PCSK5: variants seen among roughly 807,000 people sequenced by gnomAD.
The protein encoded by PCSK5 is prohormone convertase 5.
Under a neutral mutation model 233.2 loss-of-function variants are expected in PCSK5, and 129 were observed. The ratio of observed to expected loss-of-function variants is 0.55; its 90% CI spans 0.48 to 0.64. The LOEUF is 0.64. Ranked by LOEUF, PCSK5 falls within the 30% of genes least tolerant of loss-of-function variation. The pLI is 0.00. For missense variants in PCSK5, 2,076 were observed against 2,430.1 expected, an observed-to-expected ratio of 0.85 and a Z score of 3.06; for synonymous variants, 825 against 879.2, an observed-to-expected ratio of 0.94 and a Z score of 1.09.
At chr9:76,274,826 C>T (rs1190251958) in intron 24 of PCSK5, among the ~76,000 whole-genome samples, 1 of 152,206 alleles carries the variant, frequency 6.6e-6, no homozygotes, top group Non-Finnish European at 1.5e-5. Context: ...TTATCTGGCT[C>T]ATGCTTCTGC....
At chr9:75,939,826 C>T (rs1824219763) in intron 2 of PCSK5, among the ~76,000 whole-genome samples, 1 of 151,944 alleles carries the variant, frequency 6.6e-6, no homozygotes, top group African/African-American at 2.4e-5. Context: ...TTTCTATCCT[C>T]AAATCTATTA....
In PCSK5 at chr9:76,143,142, C is replaced by T. The variant is rs539428809; in HGVS notation, c.1312+8930C>T. On this transcript the variant is annotated intron_variant, in intron 10 of 37. Coordinates refer to ENST00000674117, the MANE Select transcript of PCSK5 (RefSeq NM_001372043.1). ...GGGGAACCAAGCTTATCTGGAATAC[C>T]GTAGTTTCTTTTAGTTTAAACAAAT... 4.6e-5 allele frequency among the ~76,000 whole-genome samples: 7 copies of T among 151,984 alleles called. No individual in the cohort carries two copies. The South Asian group carries it at 8.4e-4, about 18-fold the overall frequency.
At chr9:76,293,334 C>T (rs1487594883) in intron 25 of PCSK5, among the ~76,000 whole-genome samples, 1 of 152,206 alleles carries the variant, frequency 6.6e-6, no homozygotes, top group Admixed American at 6.5e-5. Flanking sequence ...ATCAGTTAAC[C>T]TTATCAGTTC....
intron 1 of PCSK5, among the ~76,000 whole-genome samples, chr9:75,903,811 G>C (rs903278797): frequency 6.6e-6 from 1 of 151,556 alleles, no homozygotes; most frequent in Non-Finnish European, 1.5e-5. Context: ...TCTGAATACA[G>C]AGCAGGGAGG....
At chr9:75,955,924 C>T (rs2131334072) in intron 2 of PCSK5, among the ~76,000 whole-genome samples, 1 of 152,200 alleles carries the variant, frequency 6.6e-6, no homozygotes, top group Middle Eastern at 3.4e-3. Flanking sequence ...CTTGACTACC[C>T]TAAGAGGTTG....
chr9:75,948,348 C>G (rs1425441942), intron 2 of PCSK5, among the ~76,000 whole-genome samples: 1 of 112,214 alleles, frequency 8.9e-6, no homozygotes, highest in Non-Finnish European at 1.6e-5. Context: ...GTGTGATGTT[C>G]CCCGCTCTGT....
At chr9:76,069,835 AAG>A (rs1830419543) in intron 6 of PCSK5, among the ~76,000 whole-genome samples, 1 of 152,150 alleles carries the variant, frequency 6.6e-6, no homozygotes, top group South Asian at 2.1e-4. Flanking sequence ...AATAGAAAGT[AAG>A]AGGATGGAGT....
At chr9:76,166,144 G>C (rs916075552) in intron 12 of PCSK5, among the ~76,000 whole-genome samples, 1 of 152,134 alleles carries the variant, frequency 6.6e-6, no homozygotes, top group African/African-American at 2.4e-5. Context: ...AACAACCATT[G>C]GTGCCTGTTT....
At chr9:76,155,052 T>G (rs1823830145) in intron 10 of PCSK5, among the ~76,000 whole-genome samples, 1 of 152,222 alleles carries the variant, frequency 6.6e-6, no homozygotes, top group Non-Finnish European at 1.5e-5. Flanking sequence ...ATATGCTTAC[T>G]TTTTAATTTA....
chr9:76,155,367 C>A (rs1246546809), intron 10 of PCSK5, among the ~76,000 whole-genome samples: 1 of 152,164 alleles, frequency 6.6e-6, no homozygotes, highest in East Asian at 1.9e-4. Flanking sequence ...ATTTTTTCAA[C>A]CTAGCACAGT....
chr9:75,965,220 T>C (rs962696906), intron 2 of PCSK5, among the ~76,000 whole-genome samples: 1 of 152,062 alleles, frequency 6.6e-6, no homozygotes, highest in Non-Finnish European at 1.5e-5. Flanking sequence ...GTAGGAGATA[T>C]ACATCTCCTG....
chr9:75,909,064 C>A (rs571563473), intron 1 of PCSK5, among the ~76,000 whole-genome samples: 2 of 152,120 alleles, frequency 1.3e-5, no homozygotes, highest in African/African-American at 4.8e-5. Context: ...GTGGCTCATG[C>A]CTGTAATACC....
At chr9:76,040,377 C>CTGTCTCTCTGTCTCTCTG (rs1563988613) in intron 5 of PCSK5, among the ~76,000 whole-genome samples, 2 of 59,798 alleles carry the variant, frequency 3.3e-5, no homozygotes, top group African/African-American at 8.3e-5. Flanking sequence ...CTCTCTCTCT[C>CTGTCTCTCTGTCTCTCTG]TCTCTCTGTC....
At chr9:75,985,269 G>T (rs926479373) in intron 2 of PCSK5, among the ~76,000 whole-genome samples, 26 of 152,232 alleles carry the variant, frequency 1.7e-4, no homozygotes, top group Middle Eastern at 3.4e-3. Context: ...CTACCACTAG[G>T]TTATAAATTC....
At position 76,028,782 on chromosome 9, in the gene PCSK5, C is replaced by T. The variant is rs150547198; in HGVS notation, c.632+1745C>T. Among the ~76,000 whole-genome samples the T allele has an allele frequency of 1.1e-4, 17 of 152,246 alleles. 1 individual carries two copies. The highest frequency in any genetic ancestry group is 3.9e-4 in the African/African-American group (16 of 41,558). On this transcript the variant is annotated intron_variant, in intron 5 of 37. Transcript: ENST00000674117. ...TCCCCAGCCAAGAAGGGAGTCTTTTCAGGAGAGGGCTATTATCAGTTTTGT... is the reference window on the plus strand; with the variant it reads ...TCCCCAGCCAAGAAGGGAGTCTTTTTAGGAGAGGGCTATTATCAGTTTTGT...
chr9:76,310,852 G>T lies in PCSK5; in HGVS notation c.3884+1G>T. On this transcript the variant is annotated splice_donor_variant, in intron 30 of 37. Transcript: ENST00000674117. LOFTEE classifies it high-confidence loss of function. ...GCAGGTGCTACTCCAAGTGCCCGGA[G>T]TAAGTTTCCTTTTTAATTTTACTTC... 1 of 1,568,916 alleles carries T rather than the reference G, an allele frequency of 6.4e-7. No homozygotes were observed. The highest frequency in any genetic ancestry group is 8.6e-7 in the Non-Finnish European group (1 of 1,159,144).
chr9:75,974,783 C>T (rs979584537), intron 2 of PCSK5, among the ~76,000 whole-genome samples: 10 of 152,226 alleles, frequency 6.6e-5, no homozygotes. Context: ...CCAACAACTT[C>T]ATGCTACTTA....
rs1423907098 is a variant in PCSK5, at chr9:75,891,128, C to T, written c.-54C>T. ...AGGCCGGAGAAGTTAGTTGTGCGCG[C>T]CCTTAGTGCGCGGAACCAGCCAGCG... On this transcript the variant is annotated 5_prime_UTR_variant, in exon 1 of 38. Transcript: ENST00000674117. The T allele has an allele frequency of 3.6e-6, 5 of 1,384,738 alleles. No homozygotes were observed. Among genetic ancestry groups the T allele is most frequent in the East Asian group, 2.8e-5 (1 of 35,180 alleles). The allele number at this position is 1,384,738 out of a possible 1,614,324, so 85.8% of individuals were successfully genotyped here.
At chr9:76,353,110 T>C (rs1830208858) in intron 36 of PCSK5, among the ~76,000 whole-genome samples, 1 of 152,196 alleles carries the variant, frequency 6.6e-6, no homozygotes. Context: ...TTCAATGAGA[T>C]AATAACAGCT....
Sources: gnomAD v4.1 joint callset for allele counts (sites outside exome capture counted in the v4.1 genomes callset) on GRCh38, gnomAD v4.1.1 for gene constraint, MANE v1.5 for transcripts, NCBI Gene and HGNC (gene_info 2026-07-23, HGNC 2026-07-21) for gene names.